Variants in SLC9A2 observed in about 807,000 individuals in gnomAD.
SLC9A2 encodes sodium/hydrogen exchanger 2.
In SLC9A2, 42 loss-of-function variants were observed where a neutral mutation model predicts 71.7. That is an observed-to-expected ratio of 0.59 (90% CI 0.46 to 0.76). SLC9A2 has a LOEUF of 0.76. Ranked by LOEUF, SLC9A2 falls within the 30% of genes least tolerant of loss-of-function variation. The pLI, the probability that SLC9A2 is intolerant of heterozygous loss-of-function variation, is 0.00. For synonymous variants in SLC9A2, 396 were observed against 392.5 expected, an observed-to-expected ratio of 1.01 and a Z score of -0.10; for missense variants, 829 against 1,017.4, an observed-to-expected ratio of 0.81 and a Z score of 2.52.
chr2:102,702,342 G>A, intron 8 of SLC9A2, 64 bp from the exon 9 acceptor site: 1 of 905,376 alleles, frequency 1.1e-6, no homozygotes, highest in East Asian at 2.5e-5. Flanking sequence ...TATCTCTAAG[G>A]AAGAAAATCA....
intron 1 of SLC9A2, among the ~76,000 whole-genome samples, chr2:102,633,371 C>T (rs1676411052): frequency 6.6e-6 from 1 of 152,054 alleles, no homozygotes; most frequent in Admixed American, 6.6e-5. Flanking sequence ...ATTAAAATAT[C>T]ACACTTCCGG....
intron 2 of SLC9A2, 69 bp from the exon 3 acceptor site, chr2:102,665,031 G>A: frequency 6.6e-7 from 1 of 1,522,164 alleles, no homozygotes; most frequent in East Asian, 2.3e-5. Flanking sequence ...AGGTAGATGT[G>A]TTTGTGCCCA....
At chr2:102,678,814 A>G (rs1677392356) in intron 3 of SLC9A2, among the ~76,000 whole-genome samples, 1 of 152,196 alleles carries the variant, frequency 6.6e-6, no homozygotes, top group Admixed American at 6.5e-5. Context: ...GGTGATGACT[A>G]TCAGCTCTAG....
chr2:102,687,724 G>A (rs1041141502), intron 5 of SLC9A2, among the ~76,000 whole-genome samples: 3 of 152,008 alleles, frequency 2.0e-5, no homozygotes, highest in Non-Finnish European at 2.9e-5. Flanking sequence ...CTTAGCAAGC[G>A]ATGTAGTCCC....
At chr2:102,682,639 A>G (rs988726672) in intron 3 of SLC9A2, among the ~76,000 whole-genome samples, 1 of 152,270 alleles carries the variant, frequency 6.6e-6, no homozygotes, top group East Asian at 1.9e-4. Flanking sequence ...ACCTGTTAAA[A>G]CCTTTTGAAT....
chr2:102,683,131 A>G, intron 3 of SLC9A2, 130 bp from the exon 4 acceptor site: 1 of 694,346 alleles, frequency 1.4e-6, no homozygotes, highest in South Asian at 1.8e-5. Context: ...ATTCACCTAT[A>G]AAAATCATTC....
chr2:102,671,651 G>A (rs759259789), intron 3 of SLC9A2, among the ~76,000 whole-genome samples: 6 of 152,180 alleles, frequency 3.9e-5, no homozygotes, highest in Non-Finnish European at 7.3e-5. Flanking sequence ...TAATTTAGTA[G>A]ATTCAATAGA....
At chr2:102,667,061 G>A (rs1312838765) in intron 3 of SLC9A2, among the ~76,000 whole-genome samples, 3 of 152,222 alleles carry the variant, frequency 2.0e-5, no homozygotes, top group Admixed American at 6.5e-5. Flanking sequence ...CCTACACAAA[G>A]AGAGTGGAAG....
intron 10 of SLC9A2, among the ~76,000 whole-genome samples, chr2:102,704,931 A>C (rs1677945294): frequency 6.6e-6 from 1 of 152,158 alleles, no homozygotes; most frequent in Non-Finnish European, 1.5e-5. Flanking sequence ...GTGGTGGCTC[A>C]TGCCTGTAAA....
chr2:102,680,658 A>C (rs1043297467), intron 3 of SLC9A2, among the ~76,000 whole-genome samples: 5 of 152,186 alleles, frequency 3.3e-5, no homozygotes, highest in Non-Finnish European at 7.3e-5. Context: ...GGGTTGAAAA[A>C]TGGCCTCAAA....
At chr2:102,632,193 A>G (rs1330210241) in intron 1 of SLC9A2, among the ~76,000 whole-genome samples, 2 of 135,324 alleles carry the variant, frequency 1.5e-5, no homozygotes, top group African/African-American at 3.0e-5. Context: ...TATATATATA[A>G]ATGAAAGTGG....
chr2:102,644,797 T>A (rs1676683970), intron 1 of SLC9A2, among the ~76,000 whole-genome samples: 1 of 152,186 alleles, frequency 6.6e-6, no homozygotes, highest in Non-Finnish European at 1.5e-5. Context: ...CAGCAGCCCC[T>A]GTCAAGGGCT....
chr2:102,705,013 G>A (rs544566350), intron 10 of SLC9A2, among the ~76,000 whole-genome samples: 1 of 151,988 alleles, frequency 6.6e-6, no homozygotes, highest in Non-Finnish European at 1.5e-5. Context: ...ACCAGCCTGG[G>A]CAACACGGTG....
At chr2:102,649,568 T>G (rs1041661827) in intron 1 of SLC9A2, among the ~76,000 whole-genome samples, 2 of 152,068 alleles carry the variant, frequency 1.3e-5, no homozygotes, top group Non-Finnish European at 2.9e-5. Flanking sequence ...TTGCAGTCTC[T>G]CCATCTGACA....
chr2:102,685,462 T>C lies in SLC9A2; in HGVS notation c.1425+1126T>C, dbSNP rs74790957. 8.6e-4 allele frequency among the ~76,000 whole-genome samples: 131 copies of C among 152,298 alleles called. 3 individuals are homozygous for C. The East Asian group carries it at 0.023, about 26-fold the overall frequency. On this transcript the variant is annotated intron_variant, in intron 5 of 11. Transcript: ENST00000233969. ...ATCATACTGGCCACTGTGTTGAGAATAGACTGTTGCGAGGAAAGGGTGAAT... is the reference window on the plus strand; with the variant it reads ...ATCATACTGGCCACTGTGTTGAGAACAGACTGTTGCGAGGAAAGGGTGAAT...
chr2:102,643,324 T>C (rs1463830509), intron 1 of SLC9A2, among the ~76,000 whole-genome samples: 3 of 152,088 alleles, frequency 2.0e-5, no homozygotes, highest in Admixed American at 6.5e-5. Flanking sequence ...TACACTCTGG[T>C]GAGGATGGAA....
chr2:102,681,865 T>C (rs1465359950), intron 3 of SLC9A2, among the ~76,000 whole-genome samples: 3 of 152,216 alleles, frequency 2.0e-5, no homozygotes, highest in African/African-American at 7.2e-5. Context: ...ACAACAGATA[T>C]GTTACTTGCA....
rs1002776468 is a variant in SLC9A2, at chr2:102,683,562, G to T, written c.1222+84G>T. ...TTCCTTTTGTCATTCCCTTTCTGCT[G>T]TTGTGGATTCTTTTATGTCTGCTTA... On this transcript the variant is annotated intron_variant, in intron 4 of 11. Transcript: ENST00000233969. The T allele has an allele frequency of 3.8e-6, 4 of 1,051,564 alleles. No individual in the cohort carries two copies. In the African/African-American group the frequency reaches 6.4e-5, roughly 17 times the overall value. The allele number at this position is 1,051,564 out of a possible 1,614,324, so 65.1% of individuals were successfully genotyped here.
At chr2:102,663,856 G>A (rs1677088827) in intron 2 of SLC9A2, among the ~76,000 whole-genome samples, 1 of 152,170 alleles carries the variant, frequency 6.6e-6, no homozygotes, top group Non-Finnish European at 1.5e-5. Flanking sequence ...AAGTGGTGGG[G>A]CTGCAGCCAT....
Sources: allele counts gnomAD v4.1 joint callset (sites outside exome capture counted in the v4.1 genomes callset), GRCh38; gene constraint gnomAD v4.1.1; transcripts MANE v1.5; gene names NCBI Gene and HGNC (gene_info 2026-07-23, HGNC 2026-07-21).